COL4A6: variants seen among roughly 807,000 people sequenced by gnomAD.
COL4A6 encodes the protein collagen alpha-6(IV) chain.
COL4A6 carries 59 observed loss-of-function variants against 126.7 expected under a neutral mutation model. That is an observed-to-expected ratio of 0.47 (90% confidence interval 0.38 to 0.58). The LOEUF (loss-of-function observed/expected upper bound fraction) is 0.58, where lower values mean the gene tolerates loss of function less well. COL4A6 is among the 20% of genes least tolerant of loss of function. The pLI, the probability that COL4A6 is intolerant of heterozygous loss-of-function variation, is 0.00. For missense variants in COL4A6, 1,285 were observed against 1,337.3 expected (o/e 0.96, Z 0.61); for synonymous variants, 547 against 496.6 (o/e 1.10, Z -1.35).
chrX:108,377,461 C>T (rs1569448796), intron 2 of COL4A6, among the ~76,000 whole-genome samples: 1 of 108,301 alleles, frequency 9.2e-6, no homozygotes, highest in Non-Finnish European at 1.9e-5. Flanking sequence ...TATTGACAGT[C>T]TATAATCTTC....
Position 108,408,335 on chromosome X carries a change from GAGAAAGAAAGAA to G in COL4A6, c.63+29595_63+29606del, listed in dbSNP as rs60742058. Among the ~76,000 whole-genome samples the G allele has an allele frequency of 2.4e-3, 245 of 100,851 alleles. 5 individuals carry two copies. In the East Asian group the frequency reaches 0.033, roughly 13 times the overall value. 87.6% of individuals were successfully genotyped at this position (100,851 alleles called of 115,157 possible). On this transcript the variant is annotated intron_variant, in intron 2 of 44. Transcript: ENST00000334504. Reference sequence around the variant, plus strand: ...AAGACCTTGTTTCAGAAAAGAAAGAGAGAAAGAAAGAAAGAAAGAAAGAAAGAAAGAACGAAA... The same window carrying G: ...AAGACCTTGTTTCAGAAAAGAAAGAGAGAAAGAAAGAAAGAAAGAACGAAA...
In COL4A6 at chrX:108,158,883, C is replaced by A. The variant is rs2033824235; in HGVS notation, c.4812+579G>T. Among the ~76,000 whole-genome samples the A allele has an allele frequency of 2.7e-5, 3 of 112,394 alleles. No homozygotes were observed. The South Asian group carries it at 1.1e-3, about 42-fold the overall frequency. Reference sequence around the variant, plus strand: ...ATATTATGTGAGGGACTTGATGCCTCTTTGGGCCTGCAGATATTCTTTTTC... The same window carrying A: ...ATATTATGTGAGGGACTTGATGCCTATTTGGGCCTGCAGATATTCTTTTTC... On this transcript the variant is annotated intron_variant, in intron 44 of 44. Transcript: ENST00000334504.
intron 7 of COL4A6, 84 bp from the exon 8 acceptor site, chrX:108,210,088 C>T (rs2035659219): frequency 3.1e-6 from 3 of 970,707 alleles, no homozygotes; most frequent in Admixed American, 2.5e-5. Flanking sequence ...TTTATAGGGA[C>T]AAAAACACAT....
At chrX:108,239,815 T>C (rs2036526159) in intron 3 of COL4A6, among the ~76,000 whole-genome samples, 3 of 112,412 alleles carry the variant, frequency 2.7e-5, no homozygotes, top group Non-Finnish European at 5.6e-5. Flanking sequence ...ATTTCTCAAA[T>C]TGTAGAGGGG....
intron 2 of COL4A6, among the ~76,000 whole-genome samples, chrX:108,321,721 A>G (rs1391203765): frequency 1.8e-5 from 2 of 110,891 alleles, no homozygotes; most frequent in Admixed American, 1.9e-4. Context: ...ATATATATAT[A>G]ATCTTCATTC....
intron 3 of COL4A6, among the ~76,000 whole-genome samples, chrX:108,260,291 C>T (rs866273255): frequency 9.0e-6 from 1 of 110,931 alleles, no homozygotes; most frequent in Non-Finnish European, 1.9e-5. Context: ...AACTCTCTGC[C>T]ATCAATGCTA....
rs1469305001 is a variant in COL4A6 at position 108,156,955 on chromosome X, T to TG, written c.*44dup. The TG allele has an allele frequency of 1.7e-6, 2 of 1,153,302 alleles. No individual in the cohort carries two copies. Among genetic ancestry groups the TG allele is most frequent in the Non-Finnish European group, 2.4e-6 (2 of 848,718 alleles). ...CCATTCAGGTTTGTGAGGTGACTGT[T>TG]GTGAGGGGCAGGGGAGGGCAAGGGG... On this transcript the variant is annotated 3_prime_UTR_variant, in exon 45 of 45. Transcript: ENST00000334504.
chrX:108,196,876 A>G, intron 13 of COL4A6, among the ~76,000 whole-genome samples: 1 of 112,286 alleles, frequency 8.9e-6, no homozygotes, highest in Non-Finnish European at 1.9e-5. Context: ...AACCTTGTTG[A>G]TTTTACAGAT....
chrX:108,287,958 T>C (rs749135067), intron 3 of COL4A6, among the ~76,000 whole-genome samples: 17 of 111,863 alleles, frequency 1.5e-4, no homozygotes, highest in Non-Finnish European at 3.2e-4. Context: ...CACTGTTCCT[T>C]GTGGCCTGGT....
In COL4A6 at chrX:108,178,587, G is replaced by A. The variant is rs2034572985; in HGVS notation, c.2515+97C>T. 12 of 890,925 alleles carry A rather than the reference G, an allele frequency of 1.3e-5. No individual in the cohort carries two copies. In the South Asian group the frequency reaches 3.0e-4, roughly 22 times the overall value. The allele number at this position is 890,925 out of a possible 1,213,427, so 73.4% of individuals were successfully genotyped here. A position where few individuals can be genotyped will look rare whatever the true frequency, so the allele number is the denominator to read the frequency against. On this transcript the variant is annotated intron_variant, in intron 27 of 44. Coordinates refer to ENST00000334504, the MANE Select transcript of COL4A6 (RefSeq NM_033641.4). The stretch of plus-strand genomic sequence containing the variant: ...AAAGTCAAGTCTCATTCTAAATTCT[G>A]ACCATGTCCCACTACTGCTATTGCC...
chrX:108,434,071 T>C (rs926976334), intron 2 of COL4A6, among the ~76,000 whole-genome samples: 2 of 112,135 alleles, frequency 1.8e-5, no homozygotes, highest in African/African-American at 6.5e-5. Context: ...ATGGCTTGAT[T>C]ATGAGCTTAC....
At chrX:108,409,476 A>G (rs1603224302) in intron 2 of COL4A6, among the ~76,000 whole-genome samples, 1 of 112,129 alleles carries the variant, frequency 8.9e-6, no homozygotes, top group Admixed American at 9.5e-5. Flanking sequence ...AACAATCCTG[A>G]GAGGTGAGTA....
intron 40 of COL4A6, 197 bp from the exon 41 acceptor site, chrX:108,163,235 G>T: frequency 2.6e-6 from 1 of 385,314 alleles, no homozygotes; most frequent in Non-Finnish European, 4.5e-6. Context: ...TGGTTGGGTA[G>T]CTCCAAGAGG....
chrX:108,420,453 C>T (rs957424269), intron 2 of COL4A6, among the ~76,000 whole-genome samples: 1 of 111,472 alleles, frequency 9.0e-6, no homozygotes, highest in Non-Finnish European at 1.9e-5. Flanking sequence ...TTTGCTATGA[C>T]AGCATAACCT....
At chrX:108,390,582 G>C (rs2040813780) in intron 2 of COL4A6, among the ~76,000 whole-genome samples, 2 of 108,417 alleles carry the variant, frequency 1.8e-5, no homozygotes, top group African/African-American at 6.7e-5. Flanking sequence ...AGCTCCATTG[G>C]GTCATTTATG....
At chrX:108,431,966 C>T (rs1292708095) in intron 2 of COL4A6, among the ~76,000 whole-genome samples, 1 of 112,359 alleles carries the variant, frequency 8.9e-6, no homozygotes, top group East Asian at 2.8e-4. Context: ...TGAAAACCTC[C>T]TCAGTGAATG....
intron 2 of COL4A6, among the ~76,000 whole-genome samples, chrX:108,330,046 A>C (rs1302777866): frequency 9.3e-6 from 1 of 107,786 alleles, no homozygotes; most frequent in Non-Finnish European, 1.9e-5. Flanking sequence ...ATGTCTAAAC[A>C]GTTATATATA....
At chrX:108,368,265 G>A (rs1360789214) in intron 2 of COL4A6, among the ~76,000 whole-genome samples, 1 of 110,773 alleles carries the variant, frequency 9.0e-6, no homozygotes, top group African/African-American at 3.3e-5. Context: ...AATTCTGCAG[G>A]CAATTATAAA....
chrX:108,272,595 C>T (rs2147768423), intron 3 of COL4A6, among the ~76,000 whole-genome samples: 1 of 111,492 alleles, frequency 9.0e-6, no homozygotes, highest in East Asian at 2.8e-4. Context: ...AAGCAATCAA[C>T]CAACAAAACA....
Sources: gnomAD v4.1 joint callset for allele counts (sites outside exome capture counted in the v4.1 genomes callset) on GRCh38, gnomAD v4.1.1 for gene constraint, MANE v1.5 for transcripts, NCBI Gene and HGNC (gene_info 2026-07-23, HGNC 2026-07-21) for gene names.